Variants in BACH2 observed in about 807,000 individuals in gnomAD.
The protein encoded by BACH2 is transcription regulator protein BACH2.
BACH2 carries 5 observed loss-of-function variants against 61.8 expected under a neutral mutation model. That is an observed-to-expected ratio of 0.08 (90% confidence interval 0.04 to 0.17). The LOEUF is 0.17. Ranked by LOEUF, BACH2 falls within the 10% of genes least tolerant of loss-of-function variation. The pLI is 1.00. For synonymous variants in BACH2, 446 were observed against 440.1 expected, an observed-to-expected ratio of 1.01 and a Z score of -0.17; for missense variants, 824 against 1,091.1, an observed-to-expected ratio of 0.76 and a Z score of 3.45.
At chr6:90,011,496 G>A (rs1289330681) in intron 5 of BACH2, among the ~76,000 whole-genome samples, 1 of 151,766 alleles carries the variant, frequency 6.6e-6, no homozygotes, top group East Asian at 1.9e-4. Flanking sequence ...ATCTATTTAT[G>A]GACTCTGTCT....
intron 5 of BACH2, among the ~76,000 whole-genome samples, chr6:90,020,447 T>C (rs1045186141): frequency 6.6e-5 from 10 of 152,118 alleles, no homozygotes; most frequent in African/African-American, 2.2e-4. Context: ...AAAGTCACTT[T>C]GGCCCTCTCT....
rs114119665 is a variant in BACH2 at position 90,049,413 on chromosome 6, G to A, written c.-13+39548C>T. On this transcript the variant is annotated intron_variant, in intron 5 of 8. Coordinates refer to ENST00000257749, the MANE Select transcript of BACH2 (RefSeq NM_021813.4). ...ACATTTAAACTGAGATCTCAATGAC[G>A]CGAAGAAGAGAGCCACAGGAGGGTC... Among the ~76,000 whole-genome samples the A allele has an allele frequency of 5.6e-3, 858 of 152,258 alleles. 12 individuals are homozygous for A. The highest frequency in any genetic ancestry group is 0.02 in the African/African-American group (831 of 41,542).
At chr6:90,168,011 CTGGCTATA>C in intron 4 of BACH2, among the ~76,000 whole-genome samples, 1 of 152,310 alleles carries the variant, frequency 6.6e-6, no homozygotes, top group East Asian at 1.9e-4. Context: ...TAAGGAATCA[CTGGCTATA>C]TAAACAAAGA....
intron 4 of BACH2, among the ~76,000 whole-genome samples, chr6:90,117,771 C>T (rs1331169556): frequency 1.3e-5 from 2 of 152,174 alleles, no homozygotes; most frequent in African/African-American, 2.4e-5. Flanking sequence ...AATGTCTTTG[C>T]TTCTTCCTAG....
At chr6:90,098,018 C>G (rs903714877) in intron 4 of BACH2, among the ~76,000 whole-genome samples, 2 of 152,172 alleles carry the variant, frequency 1.3e-5, no homozygotes, top group Non-Finnish European at 2.9e-5. Context: ...TCTATACTAG[C>G]TGTATCCGCT....
chr6:90,242,031 T>G (rs1328934312), intron 3 of BACH2, among the ~76,000 whole-genome samples: 1 of 152,168 alleles, frequency 6.6e-6, no homozygotes, highest in Non-Finnish European at 1.5e-5. Context: ...TCCCCTGTTA[T>G]TAACCATCTT....
chr6:90,195,334 G>A (rs1768721019), intron 4 of BACH2, among the ~76,000 whole-genome samples: 1 of 152,174 alleles, frequency 6.6e-6, no homozygotes, highest in South Asian at 2.1e-4. Flanking sequence ...GAGCAGAGGG[G>A]AAGGCAGTTA....
rs1042681927 is a variant in BACH2, at chr6:90,275,112, T to C, written c.-445-3171A>G. ...TGTTGATGAATGCAATTCACATGTT[T>C]GGAGCAGTGTCATTTGAAAGGACTG... On this transcript the variant is annotated intron_variant, in intron 1 of 8. Coordinates refer to ENST00000257749, the MANE Select transcript of BACH2 (RefSeq NM_021813.4). Among the ~76,000 whole-genome samples, 25 of 152,340 alleles carry C rather than the reference T, an allele frequency of 1.6e-4. No homozygotes were observed. The East Asian group carries it at 4.6e-3, about 28-fold the overall frequency.
At chr6:90,247,048 C>T (rs560057930) in intron 3 of BACH2, among the ~76,000 whole-genome samples, 1 of 152,136 alleles carries the variant, frequency 6.6e-6, no homozygotes, top group South Asian at 2.1e-4. Flanking sequence ...GTCAGGTTAC[C>T]GTTTTTACTG....
intron 3 of BACH2, among the ~76,000 whole-genome samples, chr6:90,211,837 A>C (rs945704230): frequency 6.6e-6 from 1 of 152,174 alleles, no homozygotes; most frequent in Non-Finnish European, 1.5e-5. Context: ...CACTCTTCGC[A>C]GTGTTAAAGG....
intron 1 of BACH2, among the ~76,000 whole-genome samples, chr6:90,288,767 G>C (rs1167050336): frequency 6.6e-6 from 1 of 152,074 alleles, no homozygotes; most frequent in East Asian, 1.9e-4. Context: ...ATTTCTGATG[G>C]AATTAGTTCT....
Position 89,980,084 on chromosome 6 carries a change from C to G in BACH2, c.244-28222G>C, listed in dbSNP as rs1775866621. ...GAGGTAGGCGGATCACCTGAGAGGT[C>G]AGGAGTTCAAGACCAGCCTGGCCAA... On this transcript the variant is annotated intron_variant, in intron 6 of 8. Transcript: ENST00000257749. 2.6e-5 allele frequency among the ~76,000 whole-genome samples: 4 copies of G among 152,226 alleles called. No homozygotes were observed. In the South Asian group the frequency reaches 8.3e-4, roughly 32 times the overall value.
In BACH2 at chr6:89,951,047, C is replaced by G; in HGVS notation, c.1059G>C (p.Leu353=). ...GCTGAGATGTACTGGGCAGGCCAGA[C>G]AGCTCCACACTTTTCGTTATGCTGA... is the stretch of plus-strand genomic sequence containing the variant. ...SLFSITKSVE[L]SGLPSTSQQH... The change falls in exon 7 of 9, where the codon CTG becomes CTC. Residue 353 remains leucine (L), a synonymous_variant. Coordinates refer to ENST00000257749, the MANE Select transcript of BACH2 (RefSeq NM_021813.4). The surrounding 1 kb of genome is among the most constrained non-coding windows in gnomAD (Gnocchi z 6.4). 1.2e-6 allele frequency: 2 copies of G among 1,610,296 alleles called. No individual in the cohort carries two copies. Among genetic ancestry groups the G allele is most frequent in the Non-Finnish European group, 1.7e-6 (2 of 1,178,212 alleles).
chr6:89,941,747 G>A (rs917527881), intron 7 of BACH2, among the ~76,000 whole-genome samples: 6 of 152,140 alleles, frequency 3.9e-5, no homozygotes, highest in Non-Finnish European at 7.3e-5. Flanking sequence ...TTTTCCCTCT[G>A]ATGACAACAA....
At chr6:90,278,645 C>T (rs1343036512) in intron 1 of BACH2, among the ~76,000 whole-genome samples, 2 of 152,192 alleles carry the variant, frequency 1.3e-5, no homozygotes, top group Non-Finnish European at 2.9e-5. Context: ...TAAATGCTTG[C>T]TACCCAGTGC....
At chr6:90,157,893 T>C (rs1418858051) in intron 4 of BACH2, among the ~76,000 whole-genome samples, 3 of 152,060 alleles carry the variant, frequency 2.0e-5, no homozygotes, top group Non-Finnish European at 1.5e-5. Context: ...TGCCTGCACA[T>C]AGACAATAAT....
rs1230412045 is a variant in BACH2 at position 90,076,413 on chromosome 6, T to G, written c.-13+12548A>C. On this transcript the variant is annotated intron_variant, in intron 5 of 8. Transcript: ENST00000257749. ...TACAAATTGACTAATACTTATTCCC[T>G]TATGGTCCATGGTAACCCATACTCC... is the stretch of plus-strand genomic sequence containing the variant. 2.6e-5 allele frequency among the ~76,000 whole-genome samples: 4 copies of G among 152,322 alleles called. No homozygotes were observed. The East Asian group carries it at 7.7e-4, about 29-fold the overall frequency.
chr6:90,078,373 T>C (rs1781567462), intron 5 of BACH2, among the ~76,000 whole-genome samples: 2 of 152,072 alleles, frequency 1.3e-5, no homozygotes, highest in African/African-American at 4.8e-5. Flanking sequence ...ACAGCACTAA[T>C]CTTAAAAGGA....
At chr6:89,972,382 G>A (rs1009700182) in intron 6 of BACH2, among the ~76,000 whole-genome samples, 3 of 152,202 alleles carry the variant, frequency 2.0e-5, no homozygotes, top group East Asian at 1.9e-4. Context: ...GAGGCCATTA[G>A]GAGGAAGAGT....
Sources: gnomAD v4.1 joint callset for allele counts (sites outside exome capture counted in the v4.1 genomes callset) on GRCh38, gnomAD v4.1.1 for gene constraint, Gnocchi (gnomAD v3.1) non-coding constraint, MANE v1.5 for transcripts, NCBI Gene and HGNC (gene_info 2026-07-23, HGNC 2026-07-21) for gene names.